The following HTR1F variants were observed in gnomAD, a reference collection of about 807,000 sequenced individuals.
The protein encoded by HTR1F is 5-hydroxytryptamine (serotonin) receptor 1F, G protein-coupled.
In HTR1F, 17 loss-of-function variants were observed where a neutral mutation model predicts 24.0. That is an observed-to-expected ratio of 0.71 (90% CI 0.48 to 1.06). The LOEUF is 1.06. Among genes scored for constraint, HTR1F ranks in the 50% least tolerant of loss-of-function variants. The pLI is 0.00. For synonymous variants in HTR1F, 186 were observed against 156.8 expected, an observed-to-expected ratio of 1.19 and a Z score of -1.39; for missense variants, 391 against 427.8, an observed-to-expected ratio of 0.91 and a Z score of 0.76.
intron 2 of HTR1F, among the ~76,000 whole-genome samples, chr3:87,849,634 T>C (rs1289760377): frequency 6.6e-6 from 1 of 151,892 alleles, no homozygotes; most frequent in Non-Finnish European, 1.5e-5. Flanking sequence ...AAAGAGCTTC[T>C]GCACAGCAAA....
intron 2 of HTR1F, among the ~76,000 whole-genome samples, chr3:87,878,341 A>AGC (rs1306297067): frequency 6.6e-6 from 1 of 152,184 alleles, no homozygotes; most frequent in African/African-American, 2.4e-5. Flanking sequence ...TCCCAGAAGA[A>AGC]GCCTGGTAGA....
intron 2 of HTR1F, among the ~76,000 whole-genome samples, chr3:87,926,314 G>C (rs559251778): frequency 6.6e-6 from 1 of 152,094 alleles, no homozygotes; most frequent in Non-Finnish European, 1.5e-5. Flanking sequence ...CAGACAGTAG[G>C]ATATGCACAG....
chr3:87,974,097 G>A (rs1422334401), intron 2 of HTR1F, among the ~76,000 whole-genome samples: 4 of 152,136 alleles, frequency 2.6e-5, no homozygotes, highest in Non-Finnish European at 4.4e-5. Context: ...CTGAAACCTC[G>A]TCTGCTCAGC....
intron 2 of HTR1F, among the ~76,000 whole-genome samples, chr3:87,958,331 T>C (rs1375580066): frequency 1.3e-5 from 2 of 151,620 alleles, no homozygotes; most frequent in Non-Finnish European, 3.0e-5. Context: ...TGTTTTATTT[T>C]CTGGTCTAAT....
chr3:87,892,942 G>C (rs964345335), intron 2 of HTR1F, among the ~76,000 whole-genome samples: 1 of 151,694 alleles, frequency 6.6e-6, no homozygotes, highest in African/African-American at 2.4e-5. Flanking sequence ...TTAAATTCCT[G>C]AAAGGAGAAG....
intron 2 of HTR1F, among the ~76,000 whole-genome samples, chr3:87,888,785 A>G (rs1172356392): frequency 2.0e-5 from 3 of 152,214 alleles, no homozygotes; most frequent in Non-Finnish European, 4.4e-5. Context: ...TTTTGTAAAG[A>G]TTAAGTGAGA....
At chr3:87,900,026 G>A (rs2107323130) in intron 2 of HTR1F, among the ~76,000 whole-genome samples, 1 of 152,242 alleles carries the variant, frequency 6.6e-6, no homozygotes, top group Non-Finnish European at 1.5e-5. Flanking sequence ...TATTTTCAAT[G>A]GGATAAGTAG....
chr3:87,912,606 A>AAG (rs1703802654), intron 2 of HTR1F, among the ~76,000 whole-genome samples: 1 of 147,814 alleles, frequency 6.8e-6, no homozygotes, highest in African/African-American at 2.5e-5. Flanking sequence ...AAAAAAAAAA[A>AAG]GTCTGAATAG....
intron 2 of HTR1F, among the ~76,000 whole-genome samples, chr3:87,824,165 A>AAAAT (rs1348072993): frequency 6.6e-6 from 1 of 152,138 alleles, no homozygotes; most frequent in Non-Finnish European, 1.5e-5. Flanking sequence ...ATGTCTACTC[A>AAAAT]ATGATTCAAA....
At position 87,901,390 on chromosome 3, in the gene HTR1F, G is replaced by GA. The variant is rs558961818; in HGVS notation, c.-43+79273dup. Among the ~76,000 whole-genome samples the GA allele has an allele frequency of 1.2e-4, 18 of 152,098 alleles. No individual in the cohort carries two copies. The East Asian group carries it at 2.7e-3, about 23-fold the overall frequency. ...GAAGAAAGACCACATGAAGAGATGA[G>GA]AAAAAAACAGCCATCTGCAAGCCAA... On this transcript the variant is annotated intron_variant, in intron 2 of 2. Transcript: ENST00000319595.
chr3:87,831,323 A>G (rs952444946), intron 2 of HTR1F, among the ~76,000 whole-genome samples: 13 of 146,564 alleles, frequency 8.9e-5, no homozygotes, highest in African/African-American at 3.3e-4. Context: ...TTTAAAAGAT[A>G]TTAAGAAATT....
intron 2 of HTR1F, among the ~76,000 whole-genome samples, chr3:87,906,653 A>C (rs1036247367): frequency 2.0e-5 from 3 of 151,956 alleles, no homozygotes; most frequent in Non-Finnish European, 2.9e-5. Context: ...CAAGCAGGGT[A>C]CACTGTACCC....
At chr3:87,981,020 C>G (rs536803522) in intron 2 of HTR1F, among the ~76,000 whole-genome samples, 2 of 152,104 alleles carry the variant, frequency 1.3e-5, no homozygotes, top group Admixed American at 6.5e-5. Flanking sequence ...TCCCACCCCA[C>G]CAACTCAGAA....
intron 2 of HTR1F, among the ~76,000 whole-genome samples, chr3:87,958,012 A>C (rs998175371): frequency 2.6e-5 from 4 of 151,420 alleles, no homozygotes; most frequent in Non-Finnish European, 5.9e-5. Context: ...ATAATATAAA[A>C]ATAAGCTCTA....
rs555876457 is a variant in HTR1F, at chr3:87,850,206, C to T, written c.-43+28082C>T. Among the ~76,000 whole-genome samples the T allele has an allele frequency of 7.2e-5, 11 of 152,032 alleles. No homozygotes were observed. The East Asian group carries it at 1.7e-3, about 24-fold the overall frequency. On this transcript the variant is annotated intron_variant, in intron 2 of 2. Transcript: ENST00000319595. Reference sequence around the variant, plus strand: ...CACAATAGCAAAGACGTGGAACCAGCCCAAATGTCCAACAATGATAGACTG... The same window carrying T: ...CACAATAGCAAAGACGTGGAACCAGTCCAAATGTCCAACAATGATAGACTG...
Position 87,796,276 on chromosome 3 carries a change from G to A in HTR1F, c.-160+3434G>A, listed in dbSNP as rs145654525. ...GGAAAGGAATTGAGGCTCATGTCTA[G>A]ATTTATGACCAGAGCAACAGGAAAA... On this transcript the variant is annotated intron_variant, in intron 1 of 2. Transcript: ENST00000319595. 5.2e-3 allele frequency among the ~76,000 whole-genome samples: 793 copies of A among 152,174 alleles called. 7 individuals are homozygous for A. Among genetic ancestry groups the A allele is most frequent in the Non-Finnish European group, 8.1e-3 (552 of 67,992 alleles).
At chr3:87,938,554 GTAATTAAA>G (rs1225913207) in intron 2 of HTR1F, among the ~76,000 whole-genome samples, 3 of 152,124 alleles carry the variant, frequency 2.0e-5, no homozygotes, top group Non-Finnish European at 4.4e-5. Context: ...CAAGGCTACA[GTAATTAAA>G]ATAGCATGGT....
Position 87,839,665 on chromosome 3 carries a change from T to C in HTR1F, c.-43+17541T>C, listed in dbSNP as rs113966789. Among the ~76,000 whole-genome samples, 226 of 152,298 alleles carry C rather than the reference T, an allele frequency of 1.5e-3. 1 individual carries two copies. The highest frequency in any genetic ancestry group is 2.6e-3 in the Non-Finnish European group (179 of 68,020). The stretch of plus-strand genomic sequence containing the variant: ...TCAGGAAGTACATGTACATGATTGT[T>C]ACAAAGGTATATTGTGTGATGCTGA... On this transcript the variant is annotated intron_variant, in intron 2 of 2. Coordinates refer to ENST00000319595, the MANE Select transcript of HTR1F (RefSeq NM_001322209.2).
At chr3:87,831,285 G>A (rs1436124285) in intron 2 of HTR1F, among the ~76,000 whole-genome samples, 2 of 150,656 alleles carry the variant, frequency 1.3e-5, no homozygotes, top group Non-Finnish European at 3.0e-5. Flanking sequence ...GCAAATATTA[G>A]TAACTAACTT....
Sources: gnomAD v4.1 joint callset for allele counts (sites outside exome capture counted in the v4.1 genomes callset) on GRCh38, gnomAD v4.1.1 for gene constraint, MANE v1.5 for transcripts, NCBI Gene and HGNC (gene_info 2026-07-23, HGNC 2026-07-21) for gene names.